Variants in MTMR2 observed in about 807,000 individuals in gnomAD.
MTMR2 encodes phosphatidylinositol-3,5-bisphosphate 3-phosphatase MTMR2.
MTMR2 carries 55 observed loss-of-function variants against 86.9 expected under a neutral mutation model. That is an observed-to-expected ratio of 0.63 (90% CI 0.51 to 0.79). The LOEUF (loss-of-function observed/expected upper bound fraction) is 0.79, where lower values mean the gene tolerates loss of function less well. Ranked by LOEUF, MTMR2 falls within the 30% of genes least tolerant of loss-of-function variation. MTMR2 has a pLI of 0.00. For synonymous variants in MTMR2, 241 were observed against 266.8 expected (o/e 0.90, Z 0.94); for missense variants, 659 against 772.3 (o/e 0.85, Z 1.74).
At chr11:95,846,015 G>A (rs1250460050) in intron 10 of MTMR2, among the ~76,000 whole-genome samples, 1 of 151,954 alleles carries the variant, frequency 6.6e-6, no homozygotes, top group Non-Finnish European at 1.5e-5. Flanking sequence ...ATTAAGCTTG[G>A]AAGTATGATA....
At chr11:95,914,571 AC>A (rs1019969271) in intron 1 of MTMR2, among the ~76,000 whole-genome samples, 11 of 151,944 alleles carry the variant, frequency 7.2e-5, no homozygotes, top group South Asian at 2.1e-4. Context: ...AGAAAAAAAA[AC>A]ATCCTATTTT....
At chr11:95,897,849 T>C (rs4753703) in intron 1 of MTMR2, among the ~76,000 whole-genome samples, 12,530 of 152,110 alleles carry the variant, frequency 0.082, 866 homozygotes, top group African/African-American at 0.18. Context: ...GGACATCACC[T>C]TTGCCAGCGT....
In MTMR2 at chr11:95,845,174, T is replaced by C. The variant is rs751057362; in HGVS notation, c.1180-15A>G. 4.4e-6 allele frequency: 7 copies of C among 1,584,108 alleles called. No individual in the cohort carries two copies. In the African/African-American group the frequency reaches 6.7e-5, roughly 15 times the overall value. On this transcript the variant is annotated splice_polypyrimidine_tract_variant and intron_variant, in intron 10 of 14. Transcript: ENST00000346299. Reference sequence around the variant, plus strand: ...GCAAGAATAAGCTGGAAAACAGATTTTTTAATACATTGTTTTTAAACAAGG... The same window carrying C: ...GCAAGAATAAGCTGGAAAACAGATTCTTTAATACATTGTTTTTAAACAAGG...
intron 2 of MTMR2, among the ~76,000 whole-genome samples, chr11:95,881,685 G>A (rs1276905575): frequency 6.6e-6 from 1 of 151,910 alleles, no homozygotes; most frequent in Non-Finnish European, 1.5e-5. Context: ...CTTGTATCCG[G>A]CAACAGTGGT....
At chr11:95,889,964 C>T (rs1865657626) in intron 1 of MTMR2, among the ~76,000 whole-genome samples, 2 of 152,150 alleles carry the variant, frequency 1.3e-5, no homozygotes, top group East Asian at 3.8e-4. Flanking sequence ...AAATACTTCA[C>T]CTTTGAGTTG....
At position 95,836,164 on chromosome 11, in the gene MTMR2, G is replaced by A. The variant is rs1415989261; in HGVS notation, c.1754C>T (p.Pro585Leu). ...GGCACATACCTGTGGTTTCATCCGT[G>A]GATTCCACCTTATGTAATATCCCAC... ...LWVGYYIRWN[P>L]RMKPQEPIHN... The change falls in exon 14 of 15, where the codon CCA becomes CTA. Residue 585 changes from proline (P) to leucine (L), a missense_variant. Transcript: ENST00000346299. 6.2e-7 allele frequency: 1 copy of A among 1,612,550 alleles called. No individual in the cohort carries two copies. The highest frequency in any genetic ancestry group is 2.2e-5 in the East Asian group (1 of 44,838).
intron 1 of MTMR2, chr11:95,912,874 A>T (rs1005011041): frequency 6.6e-6 from 1 of 152,056 alleles, no homozygotes; most frequent in South Asian, 2.1e-4. Flanking sequence ...TTTAACAGTA[A>T]ACTGTTCATA....
chr11:95,839,916 C>A (rs892279412), intron 12 of MTMR2: 6 of 152,114 alleles, frequency 3.9e-5, no homozygotes, highest in Non-Finnish European at 7.4e-5. Context: ...CAGATTTAAA[C>A]TGATTTTCTT....
chr11:95,846,110 G>A (rs1441784475), intron 10 of MTMR2, among the ~76,000 whole-genome samples: 2 of 152,120 alleles, frequency 1.3e-5, no homozygotes, highest in Non-Finnish European at 2.9e-5. Context: ...TCATTTGTAA[G>A]CCTGAAGTGC....
intron 12 of MTMR2, chr11:95,840,050 T>G (rs960441803): frequency 6.6e-6 from 1 of 152,292 alleles, no homozygotes; most frequent in Middle Eastern, 3.4e-3. Flanking sequence ...CCCATCCAAG[T>G]GCTAACAAGG....
chr11:95,854,459 C>T (rs1451390962), intron 7 of MTMR2, among the ~76,000 whole-genome samples: 1 of 152,118 alleles, frequency 6.6e-6, no homozygotes, highest in Non-Finnish European at 1.5e-5. Context: ...AGACCGTGCT[C>T]GTTATCTTTT....
rs1228294435 is a variant in MTMR2, at chr11:95,835,395, T to G, written c.1827A>C (p.Lys609Asn). The change falls in exon 15 of 15, where the codon AAA (lysine) becomes AAC (asparagine). Residue 609 changes from lysine (K) to asparagine (N), a missense_variant. Around this residue, in one of 3 missense-constraint regions of MTMR2, gnomAD observed 193 missense variants for 191.6 expected, o/e 1.01. Coordinates refer to ENST00000346299, the MANE Select transcript of MTMR2 (RefSeq NM_016156.6). The part of the protein sequence containing the change: ...ELLAKRAELQ[K>N]KVEELQREIS... ...TCTCTCTCTGTAGTTCCTCTACTTTTTTCTGAAGCTCTGCTCGTTTAGCAA... is the reference window on the plus strand; with the variant it reads ...TCTCTCTCTGTAGTTCCTCTACTTTGTTCTGAAGCTCTGCTCGTTTAGCAA... 6 of 1,613,142 alleles carry G rather than the reference T, an allele frequency of 3.7e-6. No individual in the cohort carries two copies. Among genetic ancestry groups the G allele is most frequent in the Non-Finnish European group, 5.1e-6 (6 of 1,179,394 alleles).
At chr11:95,910,791 C>G (rs1022572989) in intron 1 of MTMR2, among the ~76,000 whole-genome samples, 1 of 151,970 alleles carries the variant, frequency 6.6e-6, no homozygotes, top group African/African-American at 2.4e-5. Context: ...TTTCTAGGAA[C>G]GCAAATTTTG....
rs769429967 is a variant in MTMR2 at position 95,850,636 on chromosome 11, C to CT, written c.767dup (p.Arg257GlufsTer20). On this transcript the variant is annotated frameshift_variant, in exon 8 of 15. Coordinates refer to ENST00000346299, the MANE Select transcript of MTMR2 (RefSeq NM_016156.6). LOFTEE classifies it high-confidence loss of function. ...CTCTTGATCTGAAGGATGCCACTCTCTTTAATTCTTCATCAGGAATATTTG... is the reference window on the plus strand; with the variant it reads ...CTCTTGATCTGAAGGATGCCACTCTCTTTTAATTCTTCATCAGGAATATTTG... 6.2e-7 allele frequency: 1 copy of CT among 1,614,142 alleles called. No individual in the cohort carries two copies. Among genetic ancestry groups the CT allele is most frequent in the Admixed American group, 1.7e-5 (1 of 60,024 alleles).
At chr11:95,909,122 A>G (rs568667404) in intron 1 of MTMR2, among the ~76,000 whole-genome samples, 1 of 151,960 alleles carries the variant, frequency 6.6e-6, no homozygotes, top group African/African-American at 2.4e-5. Flanking sequence ...CCTTTGTTAC[A>G]CTATTCTTAA....
rs958924239 is a variant in MTMR2 at position 95,834,150 on chromosome 11, T to A, written c.*1140A>T. On this transcript the variant is annotated 3_prime_UTR_variant, in exon 15 of 15. Coordinates refer to ENST00000346299, the MANE Select transcript of MTMR2 (RefSeq NM_016156.6). The stretch of plus-strand genomic sequence containing the variant: ...AGACCAAGGGGACAAGAAGCTCCTT[T>A]GTTACAGTACATTACATATGGCTCT... 1 of 152,548 alleles carries A rather than the reference T, an allele frequency of 6.6e-6. No individual in the cohort carries two copies. Among genetic ancestry groups the A allele is most frequent in the African/African-American group, 2.4e-5 (1 of 41,442 alleles). The allele number at this position is 152,548 out of a possible 1,614,324, so 9.4% of individuals were successfully genotyped here.
chr11:95,866,759 G>T (rs1864632907), intron 2 of MTMR2, among the ~76,000 whole-genome samples: 1 of 148,852 alleles, frequency 6.7e-6, no homozygotes, highest in Non-Finnish European at 1.5e-5. Flanking sequence ...AGGAAAGGAG[G>T]ACCAGCCTAT....
intron 7 of MTMR2, among the ~76,000 whole-genome samples, chr11:95,855,511 C>G (rs1454759561): frequency 1.3e-5 from 2 of 152,162 alleles, no homozygotes; most frequent in African/African-American, 4.8e-5. Flanking sequence ...CTCGGCCTCC[C>G]AAAGTGCTGG....
intron 2 of MTMR2, among the ~76,000 whole-genome samples, chr11:95,878,821 AAGAC>A (rs1039037880): frequency 2.6e-5 from 4 of 152,120 alleles, no homozygotes; most frequent in Non-Finnish European, 4.4e-5. Flanking sequence ...AAAAACAAGA[AAGAC>A]AGAAGATAGG....
Sources: allele counts gnomAD v4.1 joint callset (sites outside exome capture counted in the v4.1 genomes callset), GRCh38; gene constraint gnomAD v4.1.1; regional missense constraint gnomAD v4.1.1; transcripts MANE v1.5; gene names NCBI Gene and HGNC (gene_info 2026-07-23, HGNC 2026-07-21).